TMEM38B: variants seen among roughly 807,000 people sequenced by gnomAD.
The protein encoded by TMEM38B is trimeric intracellular cation channel type B.
TMEM38B carries 24 observed loss-of-function variants against 28.7 expected under a neutral mutation model. That is an observed-to-expected ratio of 0.84 (90% CI 0.61 to 1.18). TMEM38B has a LOEUF of 1.18. Among genes scored for constraint, TMEM38B ranks in the 50% most tolerant of loss-of-function variants. The probability of loss-of-function intolerance (pLI) is 0.00; values close to 1 mark genes in which losing one functional copy is unlikely to be tolerated. For missense variants in TMEM38B, 380 were observed against 350.9 expected (o/e 1.08, Z -0.66); for synonymous variants, 131 against 127.7 (o/e 1.03, Z -0.17).
chr9:105,752,988 A>T (rs909422553), intron 5 of TMEM38B, among the ~76,000 whole-genome samples: 5 of 152,232 alleles, frequency 3.3e-5, no homozygotes, highest in Non-Finnish European at 7.3e-5. Context: ...GACCTGATGG[A>T]ACTGGAAAAC....
intron 3 of TMEM38B, among the ~76,000 whole-genome samples, chr9:105,722,022 A>C (rs890938074): frequency 2.0e-5 from 3 of 152,182 alleles, no homozygotes; most frequent in African/African-American, 4.8e-5. Flanking sequence ...AAATAAAATA[A>C]GTTTACATAA....
At position 105,775,106 on chromosome 9, in the gene TMEM38B, T is replaced by C. The variant is rs1007651504; in HGVS notation, c.*1026T>C. Reference sequence around the variant, plus strand: ...GACAAGCTTTCGTATGGTTTTGTTATATTTTCATCTACATGTAATGTGTTA... The same window carrying C: ...GACAAGCTTTCGTATGGTTTTGTTACATTTTCATCTACATGTAATGTGTTA... On this transcript the variant is annotated 3_prime_UTR_variant, in exon 6 of 6. Coordinates refer to ENST00000374692, the MANE Select transcript of TMEM38B (RefSeq NM_018112.3). 1 of 152,142 alleles carries C rather than the reference T, an allele frequency of 6.6e-6. No homozygotes were observed. Among genetic ancestry groups the C allele is most frequent in the South Asian group, 2.1e-4 (1 of 4,838 alleles). 9.4% of individuals were successfully genotyped at this position (152,142 alleles called of 1,614,324 possible).
At chr9:105,707,426 T>A (rs1253375246) in intron 2 of TMEM38B, among the ~76,000 whole-genome samples, 2 of 152,144 alleles carry the variant, frequency 1.3e-5, no homozygotes, top group East Asian at 1.9e-4. Context: ...ATAGTTTTTT[T>A]AATGTATAAA....
chr9:105,731,570 C>T (rs539731476), intron 4 of TMEM38B, among the ~76,000 whole-genome samples: 1 of 152,004 alleles, frequency 6.6e-6, no homozygotes, highest in Non-Finnish European at 1.5e-5. Flanking sequence ...GGTTTTCTGT[C>T]CTTGTGATAG....
rs1826708043 is a variant in TMEM38B at position 105,775,874 on chromosome 9, C to T, written c.*1794C>T. The T allele has an allele frequency of 6.6e-6, 1 of 152,048 alleles. No individual in the cohort carries two copies. Among genetic ancestry groups the T allele is most frequent in the Non-Finnish European group, 1.5e-5 (1 of 67,992 alleles). The allele number at this position is 152,048 out of a possible 1,614,324, so 9.4% of individuals were successfully genotyped here. On this transcript the variant is annotated 3_prime_UTR_variant, in exon 6 of 6. Coordinates refer to ENST00000374692, the MANE Select transcript of TMEM38B (RefSeq NM_018112.3). ...TTTCTTGAGGTAGAGTTTCAGAACTCATCTAGTATTTTGACTAATATAGTA... is the reference window on the plus strand; with the variant it reads ...TTTCTTGAGGTAGAGTTTCAGAACTTATCTAGTATTTTGACTAATATAGTA...
chr9:105,706,546 A>G (rs942577693), intron 2 of TMEM38B, among the ~76,000 whole-genome samples: 1 of 152,262 alleles, frequency 6.6e-6, no homozygotes, highest in Middle Eastern at 3.2e-3. Context: ...CATATAGTGC[A>G]TAACTTGTGG....
chr9:105,739,504 G>A (rs1185062571), intron 4 of TMEM38B, among the ~76,000 whole-genome samples: 2 of 152,090 alleles, frequency 1.3e-5, no homozygotes, highest in African/African-American at 4.8e-5. Context: ...GGGAATTATT[G>A]CTGTCTTATA....
At chr9:105,758,101 C>G in intron 5 of TMEM38B, 1 of 434,924 alleles carries the variant, frequency 2.3e-6, no homozygotes, top group South Asian at 3.2e-5. Context: ...TCGCCACTGC[C>G]CAGGCCGCTG....
chr9:105,704,494 GT>G (rs1835579303), intron 1 of TMEM38B, among the ~76,000 whole-genome samples: 1 of 151,972 alleles, frequency 6.6e-6, no homozygotes, highest in African/African-American at 2.4e-5. Context: ...TTTTTTGGGT[GT>G]TTTTTTGACT....
intron 5 of TMEM38B, among the ~76,000 whole-genome samples, chr9:105,765,420 A>C (rs968286206): frequency 2.6e-5 from 4 of 152,222 alleles, no homozygotes; most frequent in Non-Finnish European, 5.9e-5. Flanking sequence ...ACAAATTTGT[A>C]TACCTGTGTA....
intron 4 of TMEM38B, among the ~76,000 whole-genome samples, chr9:105,734,130 T>C (rs1836879095): frequency 2.0e-5 from 3 of 152,172 alleles, no homozygotes; most frequent in Admixed American, 2.0e-4. Context: ...TAAGTATTGG[T>C]ATATCTTATT....
chr9:105,713,581 C>T (rs547647814), intron 2 of TMEM38B, among the ~76,000 whole-genome samples: 18 of 152,266 alleles, frequency 1.2e-4, no homozygotes, highest in Non-Finnish European at 2.1e-4. Context: ...GGTGGCCAGG[C>T]GCTGGCCTGC....
At chr9:105,748,404 C>T (rs998045951) in intron 5 of TMEM38B, among the ~76,000 whole-genome samples, 20 of 152,008 alleles carry the variant, frequency 1.3e-4, no homozygotes, top group Admixed American at 2.6e-4. Context: ...TATCAGGACA[C>T]AGTGGCAGAT....
intron 4 of TMEM38B, among the ~76,000 whole-genome samples, chr9:105,728,358 T>G (rs151158065): frequency 6.6e-6 from 1 of 152,190 alleles, no homozygotes; most frequent in Non-Finnish European, 1.5e-5. Context: ...TTTTCTGTTG[T>G]TGTGATGGTT....
chr9:105,713,562 G>T (rs898939789), intron 2 of TMEM38B, among the ~76,000 whole-genome samples: 4 of 152,316 alleles, frequency 2.6e-5, no homozygotes, highest in African/African-American at 7.2e-5. Flanking sequence ...AAACTGAGGG[G>T]TGGCTGAGGG....
At position 105,748,041 on chromosome 9, in the gene TMEM38B, ACTTG is replaced by A. The variant is rs759621334; in HGVS notation, c.543-29_543-26del. 10 of 1,408,800 alleles carry A rather than the reference ACTTG, an allele frequency of 7.1e-6. No homozygotes were observed. The South Asian group carries it at 1.0e-4, about 15-fold the overall frequency. 87.3% of individuals were successfully genotyped at this position (1,408,800 alleles called of 1,614,324 possible). A position where few individuals can be genotyped will look rare whatever the true frequency, so the allele number is the denominator to read the frequency against. On this transcript the variant is annotated intron_variant, in intron 4 of 5. Transcript: ENST00000374692. The stretch of plus-strand genomic sequence containing the variant: ...AAGTTAGAGATATGTCATATTTATT[ACTTG>A]CTGATTTAAAATGTGTTTTATTTTC...
At chr9:105,760,136 T>A (rs1188510368) in intron 5 of TMEM38B, 2 of 882,524 alleles carry the variant, frequency 2.3e-6, no homozygotes, top group African/African-American at 3.3e-5. Flanking sequence ...TTGTGTCGTT[T>A]GTTACTTCCG....
intron 5 of TMEM38B, among the ~76,000 whole-genome samples, chr9:105,770,633 A>T (rs1203136261): frequency 9.2e-5 from 14 of 152,144 alleles, no homozygotes. Context: ...GAATAACATA[A>T]TCTATGGAGA....
intron 4 of TMEM38B, among the ~76,000 whole-genome samples, chr9:105,743,588 T>C (rs971166385): frequency 1.3e-5 from 2 of 152,204 alleles, no homozygotes; most frequent in Non-Finnish European, 2.9e-5. Context: ...TTTTAGACTT[T>C]ACAATTTAAG....
Sources: gnomAD v4.1 joint callset for allele counts (sites outside exome capture counted in the v4.1 genomes callset) on GRCh38, gnomAD v4.1.1 for gene constraint, MANE v1.5 for transcripts, NCBI Gene and HGNC (gene_info 2026-07-23, HGNC 2026-07-21) for gene names.